The following ELMOD2 variants were observed in gnomAD, a reference collection of about 807,000 sequenced individuals.
The protein encoded by ELMOD2 is ELMO domain-containing protein 2.
Under a neutral mutation model 41.0 loss-of-function variants are expected in ELMOD2, and 28 were observed. That is an observed-to-expected ratio of 0.68 (90% CI 0.51 to 0.94). The LOEUF (loss-of-function observed/expected upper bound fraction) is 0.94, where lower values mean the gene tolerates loss of function less well. Ranked by LOEUF, ELMOD2 falls within the 40% of genes least tolerant of loss-of-function variation. ELMOD2 has a pLI of 0.00. For synonymous variants in ELMOD2, 106 were observed against 107.2 expected (o/e 0.99, Z 0.07); for missense variants, 333 against 343.1 (o/e 0.97, Z 0.23).
In ELMOD2 at chr4:140,553,411, T is replaced by C. The variant is rs1735521215; in HGVS notation, c.*3036T>C. ...GGCTTACTTTCCATTTTCATATTTA[T>C]ACACCTCTCTACAAAAGCAATTTTT... On this transcript the variant is annotated 3_prime_UTR_variant, in exon 9 of 9. Transcript: ENST00000323570. 1 of 152,186 alleles carries C rather than the reference T, an allele frequency of 6.6e-6. No homozygotes were observed. The highest frequency in any genetic ancestry group is 1.5e-5 in the Non-Finnish European group (1 of 67,998). The allele number at this position is 152,186 out of a possible 1,614,324, so 9.4% of individuals were successfully genotyped here. A position where few individuals can be genotyped will look rare whatever the true frequency, so the allele number is the denominator to read the frequency against.
intron 4 of ELMOD2, among the ~76,000 whole-genome samples, chr4:140,536,543 T>A (rs1219820672): frequency 1.3e-5 from 2 of 152,156 alleles, no homozygotes; most frequent in African/African-American, 2.4e-5. Flanking sequence ...TTAATACTTT[T>A]GTATCTGGAA....
chr4:140,542,742 G>A, intron 7 of ELMOD2, 100 bp downstream of exon 7: 1 of 922,676 alleles, frequency 1.1e-6, no homozygotes, highest in Non-Finnish European at 1.6e-6. Context: ...TTAAAATAAA[G>A]TATTTTAATA....
rs755466679 is a variant in ELMOD2 at position 140,535,846 on chromosome 4, A to G, written c.269+16A>G. 5 of 1,589,046 alleles carry G rather than the reference A, an allele frequency of 3.1e-6. No homozygotes were observed. Among genetic ancestry groups the G allele is most frequent in the Non-Finnish European group, 4.3e-6 (5 of 1,171,170 alleles). ...AGGATGCCAGGTGTGCGTTTTTTAC[A>G]TTATTCTTTTTTATTATGCATTTAT... On this transcript the variant is annotated intron_variant, in intron 4 of 8. Coordinates refer to ENST00000323570, the MANE Select transcript of ELMOD2 (RefSeq NM_153702.4).
intron 1 of ELMOD2, chr4:140,524,540 G>A: frequency 1.0e-6 from 1 of 955,274 alleles, no homozygotes; most frequent in East Asian, 1.2e-4. Flanking sequence ...GTCCTAATGA[G>A]CGCGGACTAG....
At position 140,550,573 on chromosome 4, in the gene ELMOD2, T is replaced by G; in HGVS notation, c.*198T>G. On this transcript the variant is annotated 3_prime_UTR_variant, in exon 9 of 9. Coordinates refer to ENST00000323570, the MANE Select transcript of ELMOD2 (RefSeq NM_153702.4). ...TATACACTGTTCTCCAAAGGTACCTTATCCTTCCAAAGATCCCCTCTGTAG... is the reference window on the plus strand; with the variant it reads ...TATACACTGTTCTCCAAAGGTACCTGATCCTTCCAAAGATCCCCTCTGTAG... 21 of 432,908 alleles carry G rather than the reference T, an allele frequency of 4.9e-5. No homozygotes were observed. The highest frequency in any genetic ancestry group is 1.1e-4 in the East Asian group (2 of 18,084). The allele number at this position is 432,908 out of a possible 1,614,324, so 26.8% of individuals were successfully genotyped here. A position where few individuals can be genotyped will look rare whatever the true frequency, so the allele number is the denominator to read the frequency against.
intron 8 of ELMOD2, among the ~76,000 whole-genome samples, chr4:140,545,155 A>G (rs1486842685): frequency 6.6e-6 from 1 of 152,150 alleles, no homozygotes; most frequent in Non-Finnish European, 1.5e-5. Flanking sequence ...GCCGCCTAAT[A>G]CAATCGCCAT....
At chr4:140,525,154 C>T in intron 1 of ELMOD2, 1 of 273,302 alleles carries the variant, frequency 3.7e-6, no homozygotes, top group Non-Finnish European at 6.8e-6. Context: ...GCAAACCATT[C>T]TGTTACTCTT....
intron 3 of ELMOD2, among the ~76,000 whole-genome samples, chr4:140,535,257 G>A (rs1235331128): frequency 1.5e-4 from 22 of 151,212 alleles, no homozygotes; most frequent in Non-Finnish European, 2.9e-5. Flanking sequence ...TTTGTGAACT[G>A]TTCTTCAGTA....
intron 3 of ELMOD2, among the ~76,000 whole-genome samples, chr4:140,528,728 G>C (rs1407899383): frequency 6.6e-6 from 1 of 152,086 alleles, no homozygotes; most frequent in African/African-American, 2.4e-5. Context: ...TTTAAAATAG[G>C]TACTTTAATG....
chr4:140,544,237 G>A lies in ELMOD2; in HGVS notation c.736+651G>A, dbSNP rs1735196970. 2.0e-5 allele frequency among the ~76,000 whole-genome samples: 3 copies of A among 151,980 alleles called. No homozygotes were observed. The South Asian group carries it at 6.2e-4, about 31-fold the overall frequency. On this transcript the variant is annotated intron_variant, in intron 8 of 8. Coordinates refer to ENST00000323570, the MANE Select transcript of ELMOD2 (RefSeq NM_153702.4). Reference sequence around the variant, plus strand: ...GTCTTTAGAATGTCATTTGAATGTTGGTAGCATATAAGAAACTACTTAGAT... The same window carrying A: ...GTCTTTAGAATGTCATTTGAATGTTAGTAGCATATAAGAAACTACTTAGAT...
At chr4:140,525,606 GTTTA>G in intron 2 of ELMOD2, 36 bp downstream of exon 2, 1 of 1,576,148 alleles carries the variant, frequency 6.3e-7, no homozygotes, top group East Asian at 2.3e-5. Flanking sequence ...ACTAATAAAA[GTTTA>G]ACGGAGTGTT....
At chr4:140,542,501 T>G (rs1406087792) in intron 6 of ELMOD2, 73 bp from the exon 7 acceptor site, 9 of 1,156,986 alleles carry the variant, frequency 7.8e-6, no homozygotes, top group Non-Finnish European at 1.1e-5. Context: ...GACAGTAGCT[T>G]TTTAAATTGG....
intron 1 of ELMOD2, 152 bp downstream of exon 1, chr4:140,524,432 C>T (rs1734481760): frequency 1.2e-5 from 3 of 251,656 alleles, no homozygotes; most frequent in African/African-American, 2.3e-5. Flanking sequence ...CATTCGCGGG[C>T]GGCGCGCGAG....
chr4:140,532,582 C>T (rs1378116716), intron 3 of ELMOD2, among the ~76,000 whole-genome samples: 1 of 152,092 alleles, frequency 6.6e-6, no homozygotes, highest in East Asian at 1.9e-4. Context: ...AATTCAGTAC[C>T]AATTCATGAT....
chr4:140,540,249 G>C lies in ELMOD2; in HGVS notation c.481G>C (p.Asp161His). 1.2e-6 allele frequency: 2 copies of C among 1,614,168 alleles called. No individual in the cohort carries two copies. Among genetic ancestry groups the C allele is most frequent in the Non-Finnish European group, 1.7e-6 (2 of 1,180,020 alleles). The change falls in exon 6 of 9, where the codon GAT (aspartate) becomes CAT (histidine). Residue 161 changes from aspartate to histidine, a missense_variant. Transcript: ENST00000323570. Reference sequence around the variant, plus strand: ...GGCTGAAATTGGTTTTCAGGGTGATGATCCCAAGACAGACTTCAGAGGCAT... The same window carrying C: ...GGCTGAAATTGGTTTTCAGGGTGATCATCCCAAGACAGACTTCAGAGGCAT... ...QWAEIGFQGD[D>H]PKTDFRGMGI...
chr4:140,542,365 G>T, intron 6 of ELMOD2: 3 of 347,326 alleles, frequency 8.6e-6, no homozygotes, highest in Non-Finnish European at 1.5e-5. Flanking sequence ...TCTTGTCAAT[G>T]ACCTATATTC....
At chr4:140,549,406 A>AT (rs1735396411) in intron 8 of ELMOD2, among the ~76,000 whole-genome samples, 1 of 151,894 alleles carries the variant, frequency 6.6e-6, no homozygotes, top group Admixed American at 6.6e-5. Context: ...CATGAAATAC[A>AT]TTTAACATTT....
At position 140,525,448 on chromosome 4, in the gene ELMOD2, A is replaced by G. The variant is rs559119300; in HGVS notation, c.20A>G (p.Glu7Gly). Residue 7 changes from glutamate (E) to glycine (G), a missense_variant, in exon 2 of 9, where the codon GAG (glutamate) becomes GGG (glycine). Transcript: ENST00000323570. ...AAAAAAATGTTTATTTCTTTGTGGG[A>G]GTTCTTCTATGGGCACTTTTTTCGA... MFISLW[E>G]FFYGHFFRFW... The G allele has an allele frequency of 6.2e-7, 1 of 1,613,508 alleles. No homozygotes were observed. The highest frequency in any genetic ancestry group is 1.1e-5 in the South Asian group (1 of 90,980).
Position 140,550,257 on chromosome 4 carries a change from T to G in ELMOD2, c.764T>G (p.Phe255Cys). 1 of 1,610,814 alleles carries G rather than the reference T, an allele frequency of 6.2e-7. No homozygotes were observed. The highest frequency in any genetic ancestry group is 8.5e-7 in the Non-Finnish European group (1 of 1,178,412). Residue 255 changes from phenylalanine to cysteine, a missense_variant, in exon 9 of 9, where the codon TTT becomes TGT. Coordinates refer to ENST00000323570, the MANE Select transcript of ELMOD2 (RefSeq NM_153702.4). ...YCYLVYEFDKFWFEEEPESIM... is the reference protein window; with the variant it reads ...YCYLVYEFDKCWFEEEPESIM... ...TATCTTGTCTATGAATTTGACAAGTTTTGGTTTGAAGAAGAACCAGAAAGC... is the reference window on the plus strand; with the variant it reads ...TATCTTGTCTATGAATTTGACAAGTGTTGGTTTGAAGAAGAACCAGAAAGC...
Sources: gnomAD v4.1 joint callset for allele counts (sites outside exome capture counted in the v4.1 genomes callset) on GRCh38, gnomAD v4.1.1 for gene constraint, MANE v1.5 for transcripts, NCBI Gene and HGNC (gene_info 2026-07-23, HGNC 2026-07-21) for gene names.